TEKT5: variants seen among roughly 807,000 people sequenced by gnomAD.
TEKT5 encodes tektin-5.
In TEKT5, 52 loss-of-function variants were observed where a neutral mutation model predicts 48.7. The ratio of observed to expected loss-of-function variants is 1.07; its 90% confidence interval spans 0.86 to 1.35. TEKT5 has a LOEUF of 1.35. TEKT5 is among the 40% of genes most tolerant of loss of function. TEKT5 has a pLI of 0.00. For missense variants in TEKT5, 831 were observed against 641.6 expected (o/e 1.30, Z -3.19); for synonymous variants, 318 against 267.6 (o/e 1.19, Z -1.84).
At chr16:10,668,034 T>G (rs2719687) in intron 5 of TEKT5, among the ~76,000 whole-genome samples, 1 of 151,734 alleles carries the variant, frequency 6.6e-6, no homozygotes, top group Admixed American at 6.6e-5. Flanking sequence ...TGCGCCACCA[T>G]GCCCAGCTAA....
chr16:10,674,228 G>A (rs1453800891), intron 5 of TEKT5, among the ~76,000 whole-genome samples: 1 of 151,996 alleles, frequency 6.6e-6, no homozygotes, highest in African/African-American at 2.4e-5. Context: ...ATCTGTTCTC[G>A]GTGGCAACGT....
At chr16:10,634,879 C>T (rs1897891452) in intron 6 of TEKT5, among the ~76,000 whole-genome samples, 1 of 152,128 alleles carries the variant, frequency 6.6e-6, no homozygotes, top group African/African-American at 2.4e-5. Flanking sequence ...AGACCACAGC[C>T]CCAGCTGACA....
chr16:10,659,814 G>T (rs1898331161), intron 5 of TEKT5, among the ~76,000 whole-genome samples: 1 of 152,238 alleles, frequency 6.6e-6, no homozygotes, highest in Non-Finnish European at 1.5e-5. Flanking sequence ...AAAGTTTGGG[G>T]AGGATAGATT....
intron 5 of TEKT5, among the ~76,000 whole-genome samples, chr16:10,652,114 G>T (rs1262432828): frequency 6.6e-6 from 1 of 152,166 alleles, no homozygotes; most frequent in Admixed American, 6.5e-5. Context: ...TAGTCCATGG[G>T]CTGGAGGTGA....
In TEKT5 at chr16:10,645,063, C is replaced by T. The variant is rs184062024; in HGVS notation, c.1087-9145G>A. 3.7e-4 allele frequency among the ~76,000 whole-genome samples: 57 copies of T among 152,294 alleles called. 2 individuals are homozygous for T. The highest frequency in any genetic ancestry group is 1.4e-3 in the Admixed American group (22 of 15,290). On this transcript the variant is annotated intron_variant, in intron 5 of 6. Transcript: ENST00000283025. ...CCTCACCAGAACCCGATCATGCTGG[C>T]ACCCTGACCTTGGACTTTTAGCCTC...
chr16:10,671,420 G>A lies in TEKT5; in HGVS notation c.1086+4539C>T, dbSNP rs568670495. On this transcript the variant is annotated intron_variant, in intron 5 of 6. Transcript: ENST00000283025. ...AAATGGATGAATGGATAAAGAAAAC[G>A]TGGTATAGACAGACAATGGAATATT... Among the ~76,000 whole-genome samples, 15 of 152,316 alleles carry A rather than the reference G, an allele frequency of 9.8e-5. No individual in the cohort carries two copies. In the South Asian group the frequency reaches 2.3e-3, roughly 23 times the overall value.
At chr16:10,640,702 T>A (rs1469487816) in intron 5 of TEKT5, among the ~76,000 whole-genome samples, 1 of 150,764 alleles carries the variant, frequency 6.6e-6, no homozygotes, top group African/African-American at 2.5e-5. Flanking sequence ...CTTTCTAGCA[T>A]CAGAATCTGA....
At position 10,694,441 on chromosome 16, in the gene TEKT5, G is replaced by T; in HGVS notation, c.433C>A (p.Leu145Met). Residue 145 changes from leucine to methionine, a missense_variant, in exon 1 of 7, where the codon CTG becomes ATG. Leu to Met is a conservative substitution (Grantham distance 15). Transcript: ENST00000283025. ...GACTTCCAGAAGCCAATGTCCGACA[G>T]CCTCTGGCCCAGGTTCCGGCAGGTG... ...EGTCRNLGQR[L>M]SDIGFWKSEL... 9 of 1,614,196 alleles carry T rather than the reference G, an allele frequency of 5.6e-6. No homozygotes were observed. The highest frequency in any genetic ancestry group is 1.3e-5 in the African/African-American group (1 of 75,058).
At chr16:10,675,448 T>C (rs1898627581) in intron 5 of TEKT5, among the ~76,000 whole-genome samples, 1 of 152,142 alleles carries the variant, frequency 6.6e-6, no homozygotes, top group South Asian at 2.1e-4. Flanking sequence ...GGTGTAGGCA[T>C]AGCACGCAGA....
chr16:10,690,867 T>G (rs1898960846), intron 1 of TEKT5: 6 of 814,540 alleles, frequency 7.4e-6, no homozygotes, highest in Non-Finnish European at 8.9e-6. Context: ...GATGTCAGGA[T>G]GCAAATGTAT....
intron 5 of TEKT5, among the ~76,000 whole-genome samples, chr16:10,660,661 CTGTGTG>C (rs4028826): frequency 0.093 from 13,441 of 144,218 alleles, 916 homozygotes; most frequent in East Asian, 0.24. Context: ...GAGTGCAAGG[CTGTGTG>C]TGTGTGTGTG....
At chr16:10,648,723 C>T (rs770474746) in intron 5 of TEKT5, among the ~76,000 whole-genome samples, 11 of 152,176 alleles carry the variant, frequency 7.2e-5, no homozygotes, top group Non-Finnish European at 7.3e-5. Context: ...GGCATGAGGC[C>T]CCACGTGGTG....
chr16:10,654,398 G>A (rs984823088), intron 5 of TEKT5, among the ~76,000 whole-genome samples: 4 of 152,090 alleles, frequency 2.6e-5, no homozygotes, highest in Non-Finnish European at 5.9e-5. Context: ...TGGGTTAATT[G>A]TATATGTTAA....
intron 5 of TEKT5, 66 bp downstream of exon 5, chr16:10,675,893 T>C: frequency 1.3e-6 from 2 of 1,534,700 alleles, no homozygotes; most frequent in East Asian, 2.3e-5. Flanking sequence ...CAGATAACAC[T>C]CAGATTCACG....
At chr16:10,668,726 C>T (rs1898501190) in intron 5 of TEKT5, among the ~76,000 whole-genome samples, 1 of 152,202 alleles carries the variant, frequency 6.6e-6, no homozygotes, top group African/African-American at 2.4e-5. Flanking sequence ...CAAAGCCCTT[C>T]AAGGTTAAAA....
At chr16:10,653,456 T>C (rs1048605742) in intron 5 of TEKT5, among the ~76,000 whole-genome samples, 6 of 152,228 alleles carry the variant, frequency 3.9e-5, no homozygotes, top group Non-Finnish European at 5.9e-5. Context: ...CTCTCTACAG[T>C]TGCACAGATG....
At chr16:10,638,149 T>C (rs1254458130) in intron 5 of TEKT5, among the ~76,000 whole-genome samples, 1 of 151,932 alleles carries the variant, frequency 6.6e-6, no homozygotes, top group South Asian at 2.1e-4. Context: ...TCTGTGTGTT[T>C]GAAACTTTCC....
At chr16:10,685,494 A>G (rs1397038297) in intron 3 of TEKT5, among the ~76,000 whole-genome samples, 1 of 151,960 alleles carries the variant, frequency 6.6e-6, no homozygotes, top group Non-Finnish European at 1.5e-5. Flanking sequence ...ACGGGGTTTC[A>G]CCATTTTGGC....
At chr16:10,691,791 A>G (rs1898982704) in intron 1 of TEKT5, among the ~76,000 whole-genome samples, 1 of 152,068 alleles carries the variant, frequency 6.6e-6, no homozygotes, top group Non-Finnish European at 1.5e-5. Flanking sequence ...TACTAAAACT[A>G]CAAAAGATTA....
Sources: allele counts gnomAD v4.1 joint callset (sites outside exome capture counted in the v4.1 genomes callset), GRCh38; gene constraint gnomAD v4.1.1; transcripts MANE v1.5; gene names NCBI Gene and HGNC (gene_info 2026-07-23, HGNC 2026-07-21).